Variants in ANXA4 observed in about 807,000 individuals in gnomAD.
ANXA4 encodes annexin A4, also known as 35-beta calcimedin.
ANXA4 carries 39 observed loss-of-function variants against 49.8 expected under a neutral mutation model. That is an observed-to-expected ratio of 0.78 (90% CI 0.61 to 1.02). The LOEUF (loss-of-function observed/expected upper bound fraction) is 1.02, where lower values mean the gene tolerates loss of function less well. Ranked by LOEUF, ANXA4 falls within the 50% of genes least tolerant of loss-of-function variation. ANXA4 has a pLI of 0.00. For missense variants in ANXA4, 360 were observed against 410.1 expected (o/e 0.88, Z 1.05); for synonymous variants, 134 against 152.5 (o/e 0.88, Z 0.89).
intron 2 of ANXA4, among the ~76,000 whole-genome samples, chr2:69,785,065 A>G (rs1440066417): frequency 1.3e-5 from 2 of 152,172 alleles, no homozygotes; most frequent in African/African-American, 4.8e-5. Context: ...AATTCATCCA[A>G]TAACGGGGCC....
In ANXA4 at chr2:69,806,444, G is replaced by A. The variant is rs768150252; in HGVS notation, c.252G>A (p.Gly84=). The change falls in exon 5 of 13, where the codon GGG becomes GGA. Residue 84 remains glycine, a synonymous_variant. Coordinates refer to ENST00000394295, the MANE Select transcript of ANXA4 (RefSeq NM_001153.5). ...LSGNFEQVIV[G]MMTPTVLYDV... ...GCAACTTCGAGCAGGTGATTGTGGG[G>A]ATGATGACGCCCACGGTGCTGTATG... 3.1e-6 allele frequency: 5 copies of A among 1,614,020 alleles called. No individual in the cohort carries two copies. The highest frequency in any genetic ancestry group is 3.4e-6 in the Non-Finnish European group (4 of 1,180,000).
chr2:69,664,845 G>T (rs985044807), intron 2 of ANXA4, among the ~76,000 whole-genome samples: 1 of 152,190 alleles, frequency 6.6e-6, no homozygotes, highest in Non-Finnish European at 1.5e-5. Context: ...GCTTATGCCT[G>T]TAATCCCAGC....
At chr2:69,741,678 A>G (rs972513434), upstream of ANXA4, among the ~76,000 whole-genome samples, 3 of 152,192 alleles carry the variant, frequency 2.0e-5, no homozygotes, top group Non-Finnish European at 4.4e-5. Context: ...GGTGGGGGGA[A>G]GCGCGGATTT....
At chr2:69,748,104 G>A (rs954295603) in intron 1 of ANXA4, among the ~76,000 whole-genome samples, 9 of 152,062 alleles carry the variant, frequency 5.9e-5, no homozygotes, top group African/African-American at 1.4e-4. Context: ...AGCCAGGCGC[G>A]GTGGCTCATG....
At chr2:69,767,988 A>T (rs1354571520) in intron 1 of ANXA4, among the ~76,000 whole-genome samples, 1 of 151,992 alleles carries the variant, frequency 6.6e-6, no homozygotes, top group African/African-American at 2.4e-5. Context: ...ACACATATAT[A>T]ATATTCATAT....
At chr2:69,697,372 G>C (rs1678191726) in intron 2 of ANXA4, among the ~76,000 whole-genome samples, 1 of 152,194 alleles carries the variant, frequency 6.6e-6, no homozygotes, top group Admixed American at 6.5e-5. Flanking sequence ...TTAGTGCCTT[G>C]TTCTAGGCTA....
chr2:69,686,071 T>C lies in ANXA4; in HGVS notation n.766+32789T>C, dbSNP rs371789478. On this transcript the variant is annotated intron_variant and non_coding_transcript_variant, in intron 2 of 3. Coordinates refer to the ANXA4 transcript ENST00000418066. ...ACACAGTAAAATTACTAGGAAGTAG[T>C]ATTTTAATTACTTATTACCTTTGTT... is the stretch of plus-strand genomic sequence containing the variant. Among the ~76,000 whole-genome samples the C allele has an allele frequency of 1.6e-3, 239 of 152,338 alleles. 11 individuals are homozygous for C. The South Asian group carries it at 0.047, about 30-fold the overall frequency.
At chr2:69,772,330 GAAC>G in intron 1 of ANXA4, among the ~76,000 whole-genome samples, 1 of 152,354 alleles carries the variant, frequency 6.6e-6, no homozygotes, top group East Asian at 1.9e-4. Context: ...CAGAGAGAAA[GAAC>G]AAAGGAATCA....
At chr2:69,715,708 C>G (rs1678858608) in intron 2 of ANXA4, among the ~76,000 whole-genome samples, 1 of 152,244 alleles carries the variant, frequency 6.6e-6, no homozygotes, top group South Asian at 2.1e-4. Flanking sequence ...GTAACTGGCT[C>G]TATGTCTATC....
At position 69,808,010 on chromosome 2, in the gene ANXA4, G is replaced by A; in HGVS notation, c.397+14G>A. ...CCTACCAGCAGCGTACGTGACATCC[G>A]CAGTGGCCCTGGCTGAGGTTTCGCT... On this transcript the variant is annotated intron_variant, in intron 6 of 12. Transcript: ENST00000394295. The A allele has an allele frequency of 1.2e-6, 2 of 1,612,770 alleles. No homozygotes were observed. The highest frequency in any genetic ancestry group is 1.7e-6 in the Non-Finnish European group (2 of 1,178,844).
chr2:69,812,538 A>C, intron 7 of ANXA4, 115 bp from the exon 8 acceptor site: 1 of 805,670 alleles, frequency 1.2e-6, no homozygotes. Flanking sequence ...CTGGGTCTGA[A>C]GCTCCAATTC....
At chr2:69,767,189 A>G (rs988748517) in intron 1 of ANXA4, among the ~76,000 whole-genome samples, 2 of 152,212 alleles carry the variant, frequency 1.3e-5, no homozygotes, top group African/African-American at 4.8e-5. Context: ...GAAAGCCCAT[A>G]ATGTTTTCAG....
At chr2:69,809,790 A>T (rs980921582) in intron 6 of ANXA4, 1 of 152,206 alleles carries the variant, frequency 6.6e-6, no homozygotes, top group African/African-American at 2.4e-5. Flanking sequence ...GGAGCTTCTC[A>T]TGGATAACCT....
chr2:69,747,117 C>G (rs946764551), intron 1 of ANXA4, among the ~76,000 whole-genome samples: 26 of 152,172 alleles, frequency 1.7e-4, no homozygotes, highest in African/African-American at 2.9e-4. Context: ...AGGAAGCCCC[C>G]CCATGTCCAC....
At chr2:69,822,238 G>A (rs1414215156) in intron 12 of ANXA4, among the ~76,000 whole-genome samples, 1 of 152,056 alleles carries the variant, frequency 6.6e-6, no homozygotes, top group Non-Finnish European at 1.5e-5. Context: ...GTGCACGCCT[G>A]TAGTCCCAGC....
At chr2:69,672,192 G>A (rs1677216283) in intron 2 of ANXA4, among the ~76,000 whole-genome samples, 1 of 151,982 alleles carries the variant, frequency 6.6e-6, no homozygotes, top group South Asian at 2.1e-4. Context: ...AAACACTACT[G>A]AGTGAAAAAA....
chr2:69,774,152 C>CGTG (rs1671864486), intron 1 of ANXA4, among the ~76,000 whole-genome samples: 2 of 152,104 alleles, frequency 1.3e-5, no homozygotes, highest in East Asian at 3.9e-4. Flanking sequence ...TAAAAATTTC[C>CGTG]ACCCTGCTAA....
intron 12 of ANXA4, among the ~76,000 whole-genome samples, chr2:69,823,492 G>A (rs2103906285): frequency 6.6e-6 from 1 of 151,988 alleles, no homozygotes; most frequent in African/African-American, 2.4e-5. Flanking sequence ...CTAAAATACA[G>A]TGACATGTAA....
intron 1 of ANXA4, among the ~76,000 whole-genome samples, chr2:69,779,107 CAAAAAAAAAAAAAA>C (rs70954359): frequency 3.3e-4 from 15 of 45,450 alleles, no homozygotes; most frequent in Non-Finnish European, 6.1e-4. Context: ...CACTCTGCCT[CAAAAAAAAAAAAAA>C]AAAAAAAAAA....
Sources: gnomAD v4.1 joint callset for allele counts (sites outside exome capture counted in the v4.1 genomes callset) on GRCh38, gnomAD v4.1.1 for gene constraint, MANE v1.5 for transcripts, NCBI Gene and HGNC (gene_info 2026-07-23, HGNC 2026-07-21) for gene names.